CABIN1: variants seen among roughly 807,000 people sequenced by gnomAD.
CABIN1 encodes calcineurin-binding protein cabin-1.
CABIN1 carries 133 observed loss-of-function variants against 227.7 expected under a neutral mutation model. That is an observed-to-expected ratio of 0.58 (90% CI 0.51 to 0.67). The LOEUF (loss-of-function observed/expected upper bound fraction) is 0.67. Ranked by LOEUF, CABIN1 falls within the 30% of genes least tolerant of loss-of-function variation. The probability of loss-of-function intolerance (pLI) is 0.00; values close to 1 mark genes in which losing one functional copy is unlikely to be tolerated. For synonymous variants in CABIN1, 1,086 were observed against 1,155.1 expected (o/e 0.94, Z 1.21); for missense variants, 2,408 against 2,852.5 (o/e 0.84, Z 3.55).
intron 29 of CABIN1, among the ~76,000 whole-genome samples, chr22:24,135,675 CTT>C (rs1415667988): frequency 2.0e-5 from 3 of 152,228 alleles, no homozygotes; most frequent in African/African-American, 7.2e-5. Flanking sequence ...AGCTGGATGA[CTT>C]TGGCAGGTCA....
intron 26 of CABIN1, among the ~76,000 whole-genome samples, chr22:24,099,092 C>T (rs2042059617): frequency 6.6e-6 from 1 of 152,126 alleles, no homozygotes; most frequent in African/African-American, 2.4e-5. Context: ...AATGGGCACT[C>T]TAGGGCACCA....
chr22:24,050,729 A>C (rs2038259896), intron 7 of CABIN1, 96 bp from the exon 8 acceptor site: 1 of 1,444,378 alleles, frequency 6.9e-7, no homozygotes, highest in African/African-American at 1.4e-5. Context: ...AATACACATT[A>C]AAAGGTATTA....
intron 26 of CABIN1, among the ~76,000 whole-genome samples, chr22:24,106,541 T>C (rs994393158): frequency 6.6e-6 from 1 of 152,184 alleles, no homozygotes; most frequent in Admixed American, 6.5e-5. Flanking sequence ...CTGTGGCACA[T>C]TGTCCTCCCT....
intron 29 of CABIN1, among the ~76,000 whole-genome samples, chr22:24,138,166 G>T (rs1276678828): frequency 1.3e-5 from 2 of 152,168 alleles, no homozygotes; most frequent in African/African-American, 4.8e-5. Flanking sequence ...TGAAAATTGT[G>T]AGAGTTGTAG....
intron 15 of CABIN1, 65 bp from the exon 16 acceptor site, chr22:24,066,922 G>T: frequency 6.7e-7 from 1 of 1,499,174 alleles, no homozygotes; most frequent in Non-Finnish European, 9.3e-7. Flanking sequence ...ACAAACACTG[G>T]CCAGATTTGG....
At chr22:24,074,730 G>A (rs1449355925) in intron 18 of CABIN1, among the ~76,000 whole-genome samples, 2 of 152,198 alleles carry the variant, frequency 1.3e-5, no homozygotes, top group Admixed American at 1.3e-4. Flanking sequence ...TATAAGGAAG[G>A]CGGAGGAAGC....
At chr22:24,063,167 C>T (rs1387594540) in intron 14 of CABIN1, 21 bp downstream of exon 14, 1 of 1,612,840 alleles carries the variant, frequency 6.2e-7, no homozygotes, top group Non-Finnish European at 8.5e-7. Flanking sequence ...TGGTCAGCTG[C>T]TTGGGGAGCA....
intron 34 of CABIN1, among the ~76,000 whole-genome samples, chr22:24,174,102 C>T (rs1276633678): frequency 6.6e-6 from 1 of 151,728 alleles, no homozygotes; most frequent in Non-Finnish European, 1.5e-5. Flanking sequence ...GCCTCAGCCT[C>T]CCAAAGTGCT....
At chr22:24,099,889 A>C (rs2042105239) in intron 26 of CABIN1, among the ~76,000 whole-genome samples, 1 of 152,174 alleles carries the variant, frequency 6.6e-6, no homozygotes, top group Non-Finnish European at 1.5e-5. Flanking sequence ...ATTAGGGTTG[A>C]GTATGCCTCT....
chr22:24,168,706 G>T (rs956056924), intron 33 of CABIN1, among the ~76,000 whole-genome samples, 185 bp downstream of exon 33: 1 of 152,226 alleles, frequency 6.6e-6, no homozygotes, highest in Non-Finnish European at 1.5e-5. Flanking sequence ...GGAACTTGAC[G>T]GCCCAGACCC....
chr22:24,119,288 C>T, intron 27 of CABIN1, 79 bp from the exon 28 acceptor site: 1 of 1,264,886 alleles, frequency 7.9e-7, no homozygotes, highest in Non-Finnish European at 1.1e-6. Flanking sequence ...ACCAAGGCGC[C>T]TCCGTTACTG....
At chr22:24,165,864 A>T (rs1444220847) in intron 31 of CABIN1, among the ~76,000 whole-genome samples, 1 of 152,056 alleles carries the variant, frequency 6.6e-6, no homozygotes. Flanking sequence ...AGCCATAGTG[A>T]CTCCATGAAA....
intron 30 of CABIN1, among the ~76,000 whole-genome samples, chr22:24,164,870 G>T (rs775888258): frequency 6.6e-6 from 1 of 152,164 alleles, no homozygotes; most frequent in South Asian, 2.1e-4. Context: ...TCGGGGTGCT[G>T]TCAGGTTGTA....
chr22:24,030,329 T>C (rs1014496520), intron 1 of CABIN1, among the ~76,000 whole-genome samples: 1 of 152,200 alleles, frequency 6.6e-6, no homozygotes, highest in Non-Finnish European at 1.5e-5. Flanking sequence ...TTTTGTCTCT[T>C]TTTAGCATTA....
rs760691720 is a variant in CABIN1 at position 24,038,445 on chromosome 22, C to T, written c.194C>T (p.Ala65Val). Residue 65 changes from alanine (A) to valine (V), a missense_variant, in exon 4 of 37, where the codon GCG becomes GTG. Transcript: ENST00000263119. ...AAAGCCTACCATGAGCTCTTGGAGG[C>T]GAGCCTGCTGCGGGAGGTGAGGCAT... ...SAKAYHELLE[A>V]SLLREAVSSG... 3.1e-6 allele frequency: 5 copies of T among 1,613,302 alleles called. No homozygotes were observed. The highest frequency in any genetic ancestry group is 1.7e-5 in the Admixed American group (1 of 60,020).
intron 24 of CABIN1, among the ~76,000 whole-genome samples, chr22:24,093,924 G>T (rs1418016383): frequency 6.6e-6 from 1 of 152,190 alleles, no homozygotes; most frequent in African/African-American, 2.4e-5. Context: ...CATATTCACT[G>T]GGCTCATGGA....
rs369458912 is a variant in CABIN1 at position 24,087,556 on chromosome 22, C to T, written c.3368C>T (p.Thr1123Met). ...GATGGGCCCATTTGGAAGCATGCCACGCCCGTCTTGAACTGCTTCCGTCGG... is the reference window on the plus strand; with the variant it reads ...GATGGGCCCATTTGGAAGCATGCCATGCCCGTCTTGAACTGCTTCCGTCGG... ...KSDGPIWKHA[T>M]PVLNCFRRAL... The change falls in exon 23 of 37, where the codon ACG (threonine) becomes ATG (methionine). Residue 1123 changes from threonine to methionine, a missense_variant. Physicochemically the swap from Thr to Met is moderately conservative, Grantham distance 81. Transcript: ENST00000263119. 17 of 1,614,260 alleles carry T rather than the reference C, an allele frequency of 1.1e-5. No individual in the cohort carries two copies. Among genetic ancestry groups the T allele is most frequent in the Non-Finnish European group, 1.4e-5 (16 of 1,180,054 alleles).
chr22:24,089,217 C>T (rs2041376100), intron 23 of CABIN1, among the ~76,000 whole-genome samples: 1 of 152,230 alleles, frequency 6.6e-6, no homozygotes, highest in Non-Finnish European at 1.5e-5. Flanking sequence ...GTCAGAGTTC[C>T]CTTTCTGCCA....
chr22:24,165,219 C>G (rs1030462813), intron 30 of CABIN1, among the ~76,000 whole-genome samples: 2 of 152,220 alleles, frequency 1.3e-5, no homozygotes, highest in African/African-American at 4.8e-5. Context: ...GGGCCTCCAG[C>G]TGGGGCCTGG....
Sources: gnomAD v4.1 joint callset for allele counts (sites outside exome capture counted in the v4.1 genomes callset) on GRCh38, gnomAD v4.1.1 for gene constraint, MANE v1.5 for transcripts, NCBI Gene and HGNC (gene_info 2026-07-23, HGNC 2026-07-21) for gene names.